GAS2L3: variants seen among roughly 807,000 people sequenced by gnomAD.
GAS2L3 encodes the protein growth arrest specific 2 like 3.
GAS2L3 carries 28 observed loss-of-function variants against 37.0 expected under a neutral mutation model. That is an observed-to-expected ratio of 0.76 (90% CI 0.56 to 1.04). The LOEUF is 1.04. Among genes scored for constraint, GAS2L3 ranks in the 50% least tolerant of loss-of-function variants. GAS2L3 has a pLI of 0.00. For synonymous variants in GAS2L3, 290 were observed against 296.6 expected, an observed-to-expected ratio of 0.98 and a Z score of 0.23; for missense variants, 793 against 817.6, an observed-to-expected ratio of 0.97 and a Z score of 0.37.
At chr12:100,576,000 A>G (rs1438484538) in intron 1 of GAS2L3, among the ~76,000 whole-genome samples, 1 of 152,210 alleles carries the variant, frequency 6.6e-6, no homozygotes, top group Non-Finnish European at 1.5e-5. Flanking sequence ...ATAATGAGAA[A>G]TAACTTGTGA....
chr12:100,616,073 G>C (rs1325109318), intron 6 of GAS2L3, among the ~76,000 whole-genome samples: 1 of 152,168 alleles, frequency 6.6e-6, no homozygotes, highest in East Asian at 1.9e-4. Context: ...TAGGTCAGTT[G>C]GGGGAATGTT....
rs1202525448 is a variant in GAS2L3, at chr12:100,624,183, CT to C, written c.1382del (p.Leu461CysfsTer14). The C allele has an allele frequency of 6.2e-7, 1 of 1,613,850 alleles. No homozygotes were observed. Among genetic ancestry groups the C allele is most frequent in the Non-Finnish European group, 8.5e-7 (1 of 1,180,008 alleles). ...TTCAGCAGATCTGCCCGAGTCCACA[CT>C]TTTGCCAAATAAGTGTTCAGGAAAA... ...QNSADLPEST[L>X]LPNKCSGKTQ... On this transcript the variant is annotated frameshift_variant, in exon 10 of 10. Transcript: ENST00000547754. LOFTEE classifies it low-confidence loss of function (END_TRUNC).
intron 7 of GAS2L3, 60 bp from the exon 8 acceptor site, chr12:100,618,389 A>G: frequency 1.3e-6 from 2 of 1,514,198 alleles, no homozygotes; most frequent in Non-Finnish European, 1.8e-6. Flanking sequence ...CTATCTTGAT[A>G]TGCAGGCAAG....
chr12:100,589,432 A>G lies in GAS2L3; in HGVS notation c.-151-2304A>G, dbSNP rs118017770. On this transcript the variant is annotated intron_variant, in intron 1 of 9. Transcript: ENST00000547754. ...CTGAAACAAATCATAGACAACATGAACAAATGGAAATACATCCCATGCTCA... is the reference window on the plus strand; with the variant it reads ...CTGAAACAAATCATAGACAACATGAGCAAATGGAAATACATCCCATGCTCA... Among the ~76,000 whole-genome samples, 383 of 152,356 alleles carry G rather than the reference A, an allele frequency of 2.5e-3. 2 individuals carry two copies. The highest frequency in any genetic ancestry group is 0.016 in the South Asian group (75 of 4,830).
In GAS2L3 at chr12:100,591,786, A is replaced by G. The variant is rs1331884158; in HGVS notation, c.-101A>G. ...TTAACTACTCCAAAGTCATATAGCC[A>G]GTATTTTCTGGAGCTGTAATTCAAA... On this transcript the variant is annotated 5_prime_UTR_variant, in exon 2 of 10. Coordinates refer to ENST00000547754, the MANE Select transcript of GAS2L3 (RefSeq NM_174942.3). The G allele has an allele frequency of 6.6e-6, 1 of 152,156 alleles. No individual in the cohort carries two copies. Among genetic ancestry groups the G allele is most frequent in the Non-Finnish European group, 1.5e-5 (1 of 68,018 alleles). The allele number at this position is 152,156 out of a possible 1,614,324, so 9.4% of individuals were successfully genotyped here. A position where few individuals can be genotyped will look rare whatever the true frequency, so the allele number is the denominator to read the frequency against.
At chr12:100,575,555 C>T (rs184064595) in intron 1 of GAS2L3, among the ~76,000 whole-genome samples, 5,804 of 142,754 alleles carry the variant, frequency 0.041, 157 homozygotes, top group Non-Finnish European at 0.062. Flanking sequence ...GATCTCGGCT[C>T]ACTGCAACCT....
At chr12:100,610,367 A>G (rs945246039) in intron 5 of GAS2L3, among the ~76,000 whole-genome samples, 1 of 152,236 alleles carries the variant, frequency 6.6e-6, no homozygotes, top group Admixed American at 6.5e-5. Context: ...CATTTCATGT[A>G]TATGCACACA....
At chr12:100,577,608 T>C (rs905980606) in intron 1 of GAS2L3, among the ~76,000 whole-genome samples, 2 of 152,238 alleles carry the variant, frequency 1.3e-5, no homozygotes, top group Non-Finnish European at 2.9e-5. Context: ...ATCTGTTGCA[T>C]TTAGGAGTAA....
At chr12:100,592,968 G>A (rs996130199) in intron 2 of GAS2L3, among the ~76,000 whole-genome samples, 13 of 152,084 alleles carry the variant, frequency 8.5e-5, no homozygotes, top group Admixed American at 8.5e-4. Context: ...AACAAATAGA[G>A]ATTTTTAGGG....
chr12:100,604,814 A>C (rs1956036745), intron 5 of GAS2L3, among the ~76,000 whole-genome samples: 1 of 152,022 alleles, frequency 6.6e-6, no homozygotes, highest in Non-Finnish European at 1.5e-5. Context: ...AAGGGATTTA[A>C]ATTTTATCAA....
chr12:100,617,748 G>T lies in GAS2L3; in HGVS notation c.450G>T (p.Leu150Phe). 6.2e-7 allele frequency: 1 copy of T among 1,601,892 alleles called. No homozygotes were observed. The highest frequency in any genetic ancestry group is 1.1e-5 in the South Asian group (1 of 90,386). Residue 150 changes from leucine (L) to phenylalanine (F), a missense_variant, in exon 7 of 10, where the codon TTG becomes TTT. Physicochemically the swap from Leu to Phe is conservative, Grantham distance 22. Coordinates refer to ENST00000547754, the MANE Select transcript of GAS2L3 (RefSeq NM_174942.3). ...AAGTGGTTTTATTTTCCACAGTTTT[G>T]CACAAAGATCCAAGACAGGTGTATC... is the stretch of plus-strand genomic sequence containing the variant. ...TYLFESEGLV[L>F]HKDPRQVYLC... is the part of the protein sequence containing the mutation.
chr12:100,603,995 T>C (rs1202050974), intron 5 of GAS2L3, among the ~76,000 whole-genome samples: 1 of 152,052 alleles, frequency 6.6e-6, no homozygotes, highest in Non-Finnish European at 1.5e-5. Flanking sequence ...CTGTGTCTCT[T>C]TTTATGCCAG....
At chr12:100,582,917 C>A (rs1475185623) in intron 1 of GAS2L3, among the ~76,000 whole-genome samples, 1 of 152,186 alleles carries the variant, frequency 6.6e-6, no homozygotes, top group Non-Finnish European at 1.5e-5. Flanking sequence ...TCACAGCCTG[C>A]AGTGTAGCAC....
chr12:100,608,715 G>A (rs1355730446), intron 5 of GAS2L3, among the ~76,000 whole-genome samples: 1 of 152,048 alleles, frequency 6.6e-6, no homozygotes, highest in Non-Finnish European at 1.5e-5. Flanking sequence ...AGTAGAGACG[G>A]GGTTTCACCA....
At chr12:100,585,337 C>T (rs1218111926) in intron 1 of GAS2L3, among the ~76,000 whole-genome samples, 1 of 149,822 alleles carries the variant, frequency 6.7e-6, no homozygotes, top group Non-Finnish European at 1.5e-5. Flanking sequence ...CTCACTGCAA[C>T]CTGTGCCTCC....
intron 6 of GAS2L3, among the ~76,000 whole-genome samples, chr12:100,614,734 A>T (rs1186612266): frequency 6.6e-6 from 1 of 152,156 alleles, no homozygotes; most frequent in African/African-American, 2.4e-5. Context: ...GTCTCTATGG[A>T]TTTGCATATT....
At chr12:100,585,004 T>C (rs1955762073) in intron 1 of GAS2L3, among the ~76,000 whole-genome samples, 2 of 148,606 alleles carry the variant, frequency 1.3e-5, no homozygotes, top group Non-Finnish European at 3.0e-5. Flanking sequence ...TTATCCTGCC[T>C]GAGCCTCCCA....
intron 1 of GAS2L3, among the ~76,000 whole-genome samples, chr12:100,581,626 C>T (rs1193575566): frequency 6.6e-6 from 1 of 152,124 alleles, no homozygotes; most frequent in African/African-American, 2.4e-5. Context: ...AGCAAGAGTC[C>T]AGTTTTTAAT....
chr12:100,579,076 A>G (rs1287108556), intron 1 of GAS2L3: 1 of 739,782 alleles, frequency 1.4e-6, no homozygotes, highest in Non-Finnish European at 2.5e-6. Context: ...ACAGTCTGCC[A>G]TTGCTCAAGT....
Sources: allele counts gnomAD v4.1 joint callset (sites outside exome capture counted in the v4.1 genomes callset), GRCh38; gene constraint gnomAD v4.1.1; transcripts MANE v1.5; gene names NCBI Gene and HGNC (gene_info 2026-07-23, HGNC 2026-07-21).